Variants in KLHDC2 observed in about 807,000 individuals in gnomAD.
The protein encoded by KLHDC2 is kelch domain containing 2, also known as kelch domain-containing protein 2.
KLHDC2 carries 38 observed loss-of-function variants against 62.3 expected under a neutral mutation model. The ratio of observed to expected loss-of-function variants is 0.61; its 90% CI spans 0.47 to 0.80. The LOEUF (loss-of-function observed/expected upper bound fraction) is 0.80, where lower values mean the gene tolerates loss of function less well. Ranked by LOEUF, KLHDC2 falls within the 30% of genes least tolerant of loss-of-function variation. The pLI is 0.00. For missense variants in KLHDC2, 430 were observed against 495.3 expected, an observed-to-expected ratio of 0.87 and a Z score of 1.25; for synonymous variants, 159 against 161.0, an observed-to-expected ratio of 0.99 and a Z score of 0.09.
rs774958993 is a variant in KLHDC2 at position 49,784,892 on chromosome 14, T to G, written c.*1939T>G. Reference sequence around the variant, plus strand: ...CTAACATTTTAAATTGTACTGTCAGTCTCCACATTCCTTTTCTGAAGGAGA... The same window carrying G: ...CTAACATTTTAAATTGTACTGTCAGGCTCCACATTCCTTTTCTGAAGGAGA... On this transcript the variant is annotated 3_prime_UTR_variant, in exon 13 of 13. Coordinates refer to ENST00000298307, the MANE Select transcript of KLHDC2 (RefSeq NM_014315.3). 1.3e-6 allele frequency: 2 copies of G among 1,557,900 alleles called. No homozygotes were observed. Among genetic ancestry groups the G allele is most frequent in the South Asian group, 2.2e-5 (2 of 89,108 alleles).
Position 49,768,497 on chromosome 14 carries a change from C to T in KLHDC2, c.29C>T (p.Ala10Val). 1.2e-6 allele frequency: 2 copies of T among 1,610,130 alleles called. No individual in the cohort carries two copies. Among genetic ancestry groups the T allele is most frequent in the Non-Finnish European group, 1.7e-6 (2 of 1,178,654 alleles). ...GCTGATGGCAACGAGGATCTGCGGG[C>T]TGACGACTTGCCTGGGCCAGCCTTC... MADGNEDLRADDLPGPAFES... is the reference protein window; with the variant it reads MADGNEDLRVDDLPGPAFES... The change falls in exon 1 of 13, where the codon GCT becomes GTT. Residue 10 changes from alanine to valine, a missense_variant. Ala to Val is a moderately conservative substitution (Grantham distance 64). Transcript: ENST00000298307.
chr14:49,774,535 CA>C, intron 2 of KLHDC2, 25 bp from the exon 3 acceptor site: 8 of 1,383,576 alleles, frequency 5.8e-6, no homozygotes, highest in Non-Finnish European at 8.2e-6. Flanking sequence ...CTTTAACTTA[CA>C]TACATTTAAT....
Position 49,785,127 on chromosome 14 carries a change from A to T in KLHDC2, c.*2174A>T. On this transcript the variant is annotated 3_prime_UTR_variant, in exon 13 of 13. Coordinates refer to ENST00000298307, the MANE Select transcript of KLHDC2 (RefSeq NM_014315.3). Reference sequence around the variant, plus strand: ...TTTCTGCACTCCAGGAGTAAGTTTCACTTTATATCTTTAAAAAGGAATTAC... The same window carrying T: ...TTTCTGCACTCCAGGAGTAAGTTTCTCTTTATATCTTTAAAAAGGAATTAC... The T allele has an allele frequency of 6.2e-7, 1 of 1,606,120 alleles. No homozygotes were observed. The highest frequency in any genetic ancestry group is 8.5e-7 in the Non-Finnish European group (1 of 1,172,884).
rs35010591 is a variant in KLHDC2 at position 49,783,369 on chromosome 14, GTT to G, written c.*426_*427del. ...GTGTTGTAAATACAATATAATAAAG[GTT>G]TTTTTTTTTAAACATTAATATTCAC... is the stretch of plus-strand genomic sequence containing the variant. On this transcript the variant is annotated 3_prime_UTR_variant, in exon 13 of 13. Transcript: ENST00000298307. 7.2e-4 allele frequency: 108 copies of G among 150,180 alleles called. No homozygotes were observed. Among genetic ancestry groups the G allele is most frequent in the African/African-American group, 2.2e-3 (88 of 40,774 alleles). The allele number at this position is 150,180 out of a possible 1,614,324, so 9.3% of individuals were successfully genotyped here. A position where few individuals can be genotyped will look rare whatever the true frequency, so the allele number is the denominator to read the frequency against.
At chr14:49,771,210 G>A (rs1214067612) in intron 1 of KLHDC2, among the ~76,000 whole-genome samples, 1 of 151,912 alleles carries the variant, frequency 6.6e-6, no homozygotes, top group East Asian at 1.9e-4. Flanking sequence ...TTAGCCAGGC[G>A]TGATGGCGAG....
chr14:49,768,483 C>T lies in KLHDC2; in HGVS notation c.15C>T (p.Asn5=), dbSNP rs767854457. 1 of 1,609,906 alleles carries T rather than the reference C, an allele frequency of 6.2e-7. No individual in the cohort carries two copies. Among genetic ancestry groups the T allele is most frequent in the Non-Finnish European group, 8.5e-7 (1 of 1,178,598 alleles). The change falls in exon 1 of 13, where the codon AAC becomes AAT. Residue 5 remains asparagine, a synonymous_variant. Coordinates refer to ENST00000298307, the MANE Select transcript of KLHDC2 (RefSeq NM_014315.3). Reference sequence around the variant, plus strand: ...GCAGCCTCAAGATGGCTGATGGCAACGAGGATCTGCGGGCTGACGACTTGC... The same window carrying T: ...GCAGCCTCAAGATGGCTGATGGCAATGAGGATCTGCGGGCTGACGACTTGC... MADG[N]EDLRADDLPG...
chr14:49,770,995 C>CA (rs1889651939), intron 1 of KLHDC2, among the ~76,000 whole-genome samples: 1 of 152,190 alleles, frequency 6.6e-6, no homozygotes, highest in East Asian at 1.9e-4. Context: ...CTCCTGAAGT[C>CA]ATGCAGCTGA....
At position 49,768,707 on chromosome 14, in the gene KLHDC2, C is replaced by T. The variant is rs1889596685; in HGVS notation, c.153+86C>T. On this transcript the variant is annotated intron_variant, in intron 1 of 12. Coordinates refer to ENST00000298307, the MANE Select transcript of KLHDC2 (RefSeq NM_014315.3). ...GGCCAGGCGGGGAGGCCAGAGCGGGCCGCCGAGGGCGCTCCCCGCCTGCGT... is the reference window on the plus strand; with the variant it reads ...GGCCAGGCGGGGAGGCCAGAGCGGGTCGCCGAGGGCGCTCCCCGCCTGCGT... 4.7e-6 allele frequency: 6 copies of T among 1,290,208 alleles called. No individual in the cohort carries two copies. The African/African-American group carries it at 4.7e-5, about 10-fold the overall frequency. The allele number at this position is 1,290,208 out of a possible 1,614,324, so 79.9% of individuals were successfully genotyped here. A position where few individuals can be genotyped will look rare whatever the true frequency, so the allele number is the denominator to read the frequency against.
Position 49,785,173 on chromosome 14 carries a change from T to TA in KLHDC2, c.*2221dup, listed in dbSNP as rs761910813. ...ATTACATGTGTTACTAAATAGACGT[T>TA]ACAAAACAATTCACAAAAGCCATTC... On this transcript the variant is annotated 3_prime_UTR_variant, in exon 13 of 13. Transcript: ENST00000298307. 105 of 1,601,892 alleles carry TA rather than the reference T, an allele frequency of 6.6e-5. No individual in the cohort carries two copies. Among genetic ancestry groups the TA allele is most frequent in the Non-Finnish European group, 8.6e-5 (101 of 1,169,044 alleles).
intron 2 of KLHDC2, among the ~76,000 whole-genome samples, chr14:49,773,672 C>A (rs1421769701): frequency 5.4e-5 from 8 of 147,700 alleles, no homozygotes; most frequent in African/African-American, 2.0e-4. Context: ...CGCCTCCTGG[C>A]TTCACACCAT....
intron 1 of KLHDC2, among the ~76,000 whole-genome samples, chr14:49,771,346 C>CT (rs1447943558): frequency 1.4e-5 from 2 of 145,834 alleles, no homozygotes; most frequent in Non-Finnish European, 3.0e-5. Context: ...GAGACTTGGA[C>CT]TAAAAAAAAA....
intron 3 of KLHDC2, among the ~76,000 whole-genome samples, chr14:49,776,552 T>C (rs1268523118): frequency 6.6e-6 from 1 of 152,212 alleles, no homozygotes; most frequent in Non-Finnish European, 1.5e-5. Context: ...CGAACATGTA[T>C]TTGTTAAATT....
chr14:49,784,471 T>C lies in KLHDC2; in HGVS notation c.*1518T>C. On this transcript the variant is annotated 3_prime_UTR_variant, in exon 13 of 13. Transcript: ENST00000298307. ...TATCATAGACAGTGTTTCCTCTATA[T>C]AAAACTGGGAAAAAACAAGAAGTAA... 2 of 579,534 alleles carry C rather than the reference T, an allele frequency of 3.5e-6. No individual in the cohort carries two copies. Among genetic ancestry groups the C allele is most frequent in the East Asian group, 2.9e-5 (1 of 34,868 alleles). The allele number at this position is 579,534 out of a possible 1,614,324, so 35.9% of individuals were successfully genotyped here. A position where few individuals can be genotyped will look rare whatever the true frequency, so the allele number is the denominator to read the frequency against.
At chr14:49,782,252 T>A (rs1409617309) in intron 10 of KLHDC2, 118 bp from the exon 11 acceptor site, 1 of 589,350 alleles carries the variant, frequency 1.7e-6, no homozygotes, top group African/African-American at 1.9e-5. Context: ...CTCGCCATGA[T>A]GTTTTGGTCT....
chr14:49,780,411 G>T (rs1443908388), intron 9 of KLHDC2, 89 bp downstream of exon 9: 1 of 887,950 alleles, frequency 1.1e-6, no homozygotes, highest in African/African-American at 1.7e-5. Context: ...CTGATGAGAC[G>T]GCTTATAGGG....
In KLHDC2 at chr14:49,784,603, G is replaced by C; in HGVS notation, c.*1650G>C. On this transcript the variant is annotated 3_prime_UTR_variant, in exon 13 of 13. Transcript: ENST00000298307. Reference sequence around the variant, plus strand: ...GAACTTCCAAAAGGCTATAAAATTGGCTCTTCTCAAATATTTTAGAATTTC... The same window carrying C: ...GAACTTCCAAAAGGCTATAAAATTGCCTCTTCTCAAATATTTTAGAATTTC... The C allele has an allele frequency of 6.8e-7, 1 of 1,459,982 alleles. No individual in the cohort carries two copies. The highest frequency in any genetic ancestry group is 2.3e-5 in the East Asian group (1 of 44,018). 90.4% of individuals were successfully genotyped at this position (1,459,982 alleles called of 1,614,324 possible).
chr14:49,769,811 C>T (rs1256650300), intron 1 of KLHDC2, among the ~76,000 whole-genome samples: 3 of 151,730 alleles, frequency 2.0e-5, no homozygotes, highest in African/African-American at 4.8e-5. Flanking sequence ...GGCGTGGTGA[C>T]GGGCGCCCTA....
intron 12 of KLHDC2, 44 bp from the exon 13 acceptor site, chr14:49,782,786 A>G (rs1407300238): frequency 1.3e-6 from 2 of 1,593,614 alleles, no homozygotes; most frequent in Non-Finnish European, 1.7e-6. Context: ...GTACTTCCAA[A>G]CAGTAAAGTG....
chr14:49,772,543 A>C (rs1038985193), intron 2 of KLHDC2, among the ~76,000 whole-genome samples: 3 of 152,230 alleles, frequency 2.0e-5, no homozygotes, highest in Admixed American at 6.5e-5. Context: ...GTTTCTCAAA[A>C]TGCTGGGTTA....
Sources: allele counts gnomAD v4.1 joint callset (sites outside exome capture counted in the v4.1 genomes callset), GRCh38; gene constraint gnomAD v4.1.1; transcripts MANE v1.5; gene names NCBI Gene and HGNC (gene_info 2026-07-23, HGNC 2026-07-21).